Variants in LPIN3 observed in about 807,000 individuals in gnomAD.
LPIN3 encodes the protein lipin 3.
In LPIN3, 82 loss-of-function variants were observed where a neutral mutation model predicts 94.7. That is an observed-to-expected ratio of 0.87 (90% CI 0.72 to 1.04). The LOEUF (loss-of-function observed/expected upper bound fraction) is 1.04, where lower values mean the gene tolerates loss of function less well. Ranked by LOEUF, LPIN3 falls within the 50% of genes least tolerant of loss-of-function variation. The pLI is 0.00. For missense variants in LPIN3, 996 were observed against 1,090.5 expected (o/e 0.91, Z 1.22); for synonymous variants, 418 against 443.3 (o/e 0.94, Z 0.72).
chr20:41,356,470 G>C (rs139018615), intron 14 of LPIN3, among the ~76,000 whole-genome samples: 1 of 152,148 alleles, frequency 6.6e-6, no homozygotes, highest in African/African-American at 2.4e-5. Context: ...TCCATGGTCA[G>C]GGAAGTGTCC....
At position 41,357,408 on chromosome 20, in the gene LPIN3, C is replaced by T. The variant is rs1261774433; in HGVS notation, c.2000C>T (p.Thr667Ile). Residue 667 changes from threonine to isoleucine, a missense_variant, in exon 16 of 20, where the codon ACA becomes ATA. Physicochemically the swap from Thr to Ile is moderately conservative, Grantham distance 89 (BLOSUM62 -1). Transcript: ENST00000373257. The part of the protein sequence containing the change: ...HILPQLGKDW[T>I]HQGITSLYHK... ...CTGCCCCAGCTGGGGAAAGACTGGA[C>T]ACACCAGGGCATCACCAGTCTCTAT... 48 of 1,613,842 alleles carry T rather than the reference C, an allele frequency of 3.0e-5. No homozygotes were observed. Among genetic ancestry groups the T allele is most frequent in the Non-Finnish European group, 3.7e-5 (44 of 1,179,982 alleles).
At position 41,354,802 on chromosome 20, in the gene LPIN3, T is replaced by C; in HGVS notation, c.1621-18T>C. ...CAGGGCGGGAGGTGGGATTCACTAA[T>C]GGATGTTCTTTCCACAGCGCAGTGC... On this transcript the variant is annotated intron_variant, in intron 12 of 19. Coordinates refer to ENST00000373257, the MANE Select transcript of LPIN3 (RefSeq NM_022896.3). The C allele has an allele frequency of 2.5e-6, 4 of 1,611,582 alleles. No homozygotes were observed. Among genetic ancestry groups the C allele is most frequent in the African/African-American group, 1.3e-5 (1 of 74,934 alleles).
chr20:41,353,641 G>C (rs2046104344), intron 11 of LPIN3, among the ~76,000 whole-genome samples: 1 of 152,196 alleles, frequency 6.6e-6, no homozygotes, highest in Non-Finnish European at 1.5e-5. Context: ...CCTCTTCCCT[G>C]GTCTTCCCAG....
intron 1 of LPIN3, among the ~76,000 whole-genome samples, chr20:41,342,850 C>G (rs1392346175): frequency 3.9e-5 from 6 of 152,182 alleles, no homozygotes; most frequent in Admixed American, 1.3e-4. Flanking sequence ...GTCTAAAAAA[C>G]TGAGGCCTTG....
In LPIN3 at chr20:41,348,789, A is replaced by G. The variant is rs2045884828; in HGVS notation, c.459A>G (p.Lys153=). Residue 153 remains lysine (K), a synonymous_variant, in exon 4 of 20, where the codon AAA becomes AAG. Transcript: ENST00000373257. ...GTCGCAGGAGGAAACCCAAGCAGAA[A>G]GAGGATGCAGTGGCAACTGATTCTA... is the stretch of plus-strand genomic sequence containing the variant. ...KRRRRRKPKQ[K]EDAVATDSSP... is the part of the protein sequence containing the mutation. 2 of 1,612,352 alleles carry G rather than the reference A, an allele frequency of 1.2e-6. No individual in the cohort carries two copies. The highest frequency in any genetic ancestry group is 2.2e-5 in the East Asian group (1 of 44,808).
At position 41,357,368 on chromosome 20, in the gene LPIN3, G is replaced by C. The variant is rs755204251; in HGVS notation, c.1960G>C (p.Ala654Pro). 8.1e-6 allele frequency: 13 copies of C among 1,613,968 alleles called. No individual in the cohort carries two copies. The South Asian group carries it at 1.4e-4, about 18-fold the overall frequency. The stretch of plus-strand genomic sequence containing the variant: ...CTTCCTCTCTCACTCTAGGTCAGAT[G>C]CTCTGGGCCATATCCTGCCCCAGCT... ...DIDGTITKSD[A>P]LGHILPQLGK... Residue 654 changes from alanine to proline, a missense_variant, in exon 16 of 20, where the codon GCT (alanine) becomes CCT (proline). Physicochemically the swap from Ala to Pro is conservative, Grantham distance 27 (BLOSUM62 -1). Coordinates refer to ENST00000373257, the MANE Select transcript of LPIN3 (RefSeq NM_022896.3).
intron 11 of LPIN3, among the ~76,000 whole-genome samples, chr20:41,354,277 C>T (rs2146986978): frequency 6.6e-6 from 1 of 152,212 alleles, no homozygotes; most frequent in East Asian, 1.9e-4. Flanking sequence ...GATTGTTCTC[C>T]CTGCTGCCAC....
In LPIN3 at chr20:41,346,317, T is replaced by C. The variant is rs58630218; in HGVS notation, c.192+322T>C. Among the ~76,000 whole-genome samples the C allele has an allele frequency of 4.9e-3, 744 of 152,338 alleles. 6 individuals are homozygous for C. Among genetic ancestry groups the C allele is most frequent in the African/African-American group, 0.017 (700 of 41,572 alleles). ...ACTTCATGCCTCTGAGCCCAGTTACTTCACCTGCACAAATGGATATGATTT... is the reference window on the plus strand; with the variant it reads ...ACTTCATGCCTCTGAGCCCAGTTACCTCACCTGCACAAATGGATATGATTT... On this transcript the variant is annotated intron_variant, in intron 2 of 19. Transcript: ENST00000373257.
At chr20:41,357,718 C>A (rs1027158783) in intron 16 of LPIN3, among the ~76,000 whole-genome samples, 164 bp from the exon 17 acceptor site, 1 of 152,258 alleles carries the variant, frequency 6.6e-6, no homozygotes, top group Non-Finnish European at 1.5e-5. Context: ...ACTCTGTGCA[C>A]CGTCCAGCTG....
In LPIN3 at chr20:41,358,442, G is replaced by A; in HGVS notation, c.2311G>A (p.Val771Ile). 3 of 1,614,120 alleles carry A rather than the reference G, an allele frequency of 1.9e-6. No homozygotes were observed. The highest frequency in any genetic ancestry group is 2.2e-5 in the South Asian group (2 of 91,088). The change falls in exon 19 of 20, where the codon GTC becomes ATC. Residue 771 changes from valine (V) to isoleucine (I), a missense_variant. Physicochemically the swap from Val to Ile is conservative, Grantham distance 29. Transcript: ENST00000373257. Reference sequence around the variant, plus strand: ...GGGCCCCTCCTGTCTCCCACAGGATGTCTTTGCCTACCGGCAGGTGGGCCT... The same window carrying A: ...GGGCCCCTCCTGTCTCCCACAGGATATCTTTGCCTACCGGCAGGTGGGCCT... ...YAAFGNRPNDVFAYRQVGLPE... is the reference protein window; with the variant it reads ...YAAFGNRPNDIFAYRQVGLPE...
Position 41,349,102 on chromosome 20 carries a change from G to A in LPIN3, c.568G>A (p.Glu190Lys), listed in dbSNP as rs143795072. 2,053 of 1,614,182 alleles carry A rather than the reference G, an allele frequency of 1.3e-3. 7 individuals carry two copies. The African/African-American group carries it at 0.014, about 11-fold the overall frequency. The change falls in exon 5 of 20, where the codon GAA becomes AAA. Residue 190 changes from glutamate (E) to lysine (K), a missense_variant. Physicochemically the swap from Glu to Lys is moderately conservative, Grantham distance 56. Transcript: ENST00000373257. ...GTGGCCCCTTAGCAGTGTCCAGTTG[G>A]AAGAGAAGTCTTCACTGCAGCCCAA... ...LRPEPPGVQLEEKSSLQPKDI... is the reference protein window; with the variant it reads ...LRPEPPGVQLKEKSSLQPKDI...
At chr20:41,357,739 C>T in intron 16 of LPIN3, 143 bp from the exon 17 acceptor site, 1 of 1,125,680 alleles carries the variant, frequency 8.9e-7, no homozygotes, top group Non-Finnish European at 1.3e-6. Context: ...AGTCCACTGC[C>T]TGGCCGTTCT....
chr20:41,342,420 A>G (rs555759936), intron 1 of LPIN3, among the ~76,000 whole-genome samples: 3 of 152,050 alleles, frequency 2.0e-5, no homozygotes, highest in Non-Finnish European at 4.4e-5. Flanking sequence ...CTAGGGAGGG[A>G]GAGAGGGGTA....
Position 41,343,125 on chromosome 20 carries a change from T to C in LPIN3, c.-9+2123T>C, listed in dbSNP as rs370289197. Among the ~76,000 whole-genome samples, 196 of 152,276 alleles carry C rather than the reference T, an allele frequency of 1.3e-3. 2 individuals are homozygous for C. Among genetic ancestry groups the C allele is most frequent in the South Asian group, 0.012 (58 of 4,816 alleles). On this transcript the variant is annotated intron_variant, in intron 1 of 19. Transcript: ENST00000373257. ...AGGGATGCTGCTGAATATCCTACAG[T>C]GCACCCACCCACCCCCCAGCAAAGA...
rs762960983 is a variant in LPIN3, at chr20:41,357,448, G to C, written c.2039+1G>C. On this transcript the variant is annotated splice_donor_variant, in intron 16 of 19. Coordinates refer to ENST00000373257, the MANE Select transcript of LPIN3 (RefSeq NM_022896.3). LOFTEE classifies it high-confidence loss of function. ...CCAGTCTCTATCACAAAATCCAACTGTGAGTGCCTGGGCTGGGGCTGGGGC... is the reference window on the plus strand; with the variant it reads ...CCAGTCTCTATCACAAAATCCAACTCTGAGTGCCTGGGCTGGGGCTGGGGC... The C allele has an allele frequency of 6.8e-6, 11 of 1,612,032 alleles. No homozygotes were observed. The Admixed American group carries it at 1.7e-4, about 24-fold the overall frequency.
At chr20:41,342,272 C>T (rs1443270342) in intron 1 of LPIN3, among the ~76,000 whole-genome samples, 1 of 152,194 alleles carries the variant, frequency 6.6e-6, no homozygotes. Flanking sequence ...GATCAGCACC[C>T]AGATAATCTG....
chr20:41,350,219 G>A lies in LPIN3; in HGVS notation c.924G>A (p.Gln308=), dbSNP rs781238316. 1 of 1,613,678 alleles carries A rather than the reference G, an allele frequency of 6.2e-7. No homozygotes were observed. Among genetic ancestry groups the A allele is most frequent in the East Asian group, 2.2e-5 (1 of 44,884 alleles). ...AAACAGAGGCTGGTGCCGACCTTCAGCCTGACACAGAGGATCCCACTCTAG... is the reference window on the plus strand; with the variant it reads ...AAACAGAGGCTGGTGCCGACCTTCAACCTGACACAGAGGATCCCACTCTAG... ...IQQTEAGADL[Q]PDTEDPTLVG... The change falls in exon 7 of 20, where the codon CAG becomes CAA. Residue 308 remains glutamine (Q), a synonymous_variant. Transcript: ENST00000373257.
At chr20:41,341,640 T>C (rs2045582164) in intron 1 of LPIN3, among the ~76,000 whole-genome samples, 1 of 152,238 alleles carries the variant, frequency 6.6e-6, no homozygotes, top group African/African-American at 2.4e-5. Flanking sequence ...ATGCTCGTTT[T>C]GCAAATAGTG....
chr20:41,345,934 G>T lies in LPIN3; in HGVS notation c.131G>T (p.Arg44Leu). 6.2e-7 allele frequency: 1 copy of T among 1,614,180 alleles called. No homozygotes were observed. The part of the protein sequence containing the change: ...LVVKQVDGSF[R>L]CSPFHVRFGK... ...GTGAAGCAGGTGGACGGCTCGTTCC[G>T]GTGCTCACCCTTCCACGTGCGTTTT... The change falls in exon 2 of 20, where the codon CGG (arginine) becomes CTG (leucine). Residue 44 changes from arginine (R) to leucine (L), a missense_variant. By Grantham distance (102) the Arg-to-Leu change is moderately radical. Coordinates refer to ENST00000373257, the MANE Select transcript of LPIN3 (RefSeq NM_022896.3).
Sources: allele counts gnomAD v4.1 joint callset (sites outside exome capture counted in the v4.1 genomes callset), GRCh38; gene constraint gnomAD v4.1.1; transcripts MANE v1.5; gene names NCBI Gene and HGNC (gene_info 2026-07-23, HGNC 2026-07-21).